DSCAML1: variants seen among roughly 807,000 people sequenced by gnomAD.
DSCAML1 encodes the protein cell adhesion molecule DSCAML1.
A neutral mutation model predicts 200.5 loss-of-function variants in DSCAML1; 38 were observed. That is an observed-to-expected ratio of 0.19 (90% CI 0.15 to 0.25). DSCAML1 has a LOEUF of 0.25. Among genes scored for constraint, DSCAML1 ranks in the 10% least tolerant of loss-of-function variants. The probability of loss-of-function intolerance (pLI) is 1.00; values close to 1 mark genes in which losing one functional copy is unlikely to be tolerated. For missense variants in DSCAML1, 2,223 were observed against 2,858.8 expected (o/e 0.78, Z 5.07); for synonymous variants, 1,215 against 1,165.0 (o/e 1.04, Z -0.87).
intron 3 of DSCAML1, among the ~76,000 whole-genome samples, chr11:117,751,144 C>A (rs1182087945): frequency 6.6e-6 from 1 of 152,088 alleles, no homozygotes. Flanking sequence ...ACGGACGTGA[C>A]TCTGCATTAT....
At chr11:117,609,505 C>G (rs1443527576) in intron 3 of DSCAML1, among the ~76,000 whole-genome samples, 2 of 151,960 alleles carry the variant, frequency 1.3e-5, no homozygotes, top group African/African-American at 4.8e-5. Context: ...CCAGGTCTCC[C>G]TGTGTTGCCC....
intron 3 of DSCAML1, among the ~76,000 whole-genome samples, chr11:117,674,148 C>T (rs776751677): frequency 7.9e-5 from 12 of 152,204 alleles, no homozygotes; most frequent in Non-Finnish European, 1.3e-4. Context: ...TAGATCCTCT[C>T]GGCTGTATTT....
intron 1 of DSCAML1, among the ~76,000 whole-genome samples, chr11:117,790,323 G>A (rs1314933950): frequency 1.3e-5 from 2 of 152,222 alleles, no homozygotes; most frequent in Non-Finnish European, 2.9e-5. Context: ...TGGGAGGAGG[G>A]AGAAGAGGTA....
chr11:117,437,038 C>G lies in DSCAML1; in HGVS notation c.4720+84G>C, dbSNP rs143423911. The G allele has an allele frequency of 2.0e-5, 30 of 1,513,544 alleles. No individual in the cohort carries two copies. In the Middle Eastern group the frequency reaches 7.3e-4, roughly 37 times the overall value. The allele number at this position is 1,513,544 out of a possible 1,614,324, so 93.8% of individuals were successfully genotyped here. ...TGCCTGTTTTTCTATTAGTCTGTCT[C>G]TTTATGTATCTGCCACTCTGCCCAC... On this transcript the variant is annotated intron_variant, in intron 26 of 32. Coordinates refer to ENST00000651296, the MANE Select transcript of DSCAML1 (RefSeq NM_020693.4). The surrounding 1 kb of genome is among the most constrained non-coding windows in gnomAD (Gnocchi z 5.3).
intron 3 of DSCAML1, among the ~76,000 whole-genome samples, chr11:117,605,348 G>T (rs1239363351): frequency 6.6e-6 from 1 of 152,104 alleles, no homozygotes; most frequent in Non-Finnish European, 1.5e-5. Context: ...CTTGGCTCCA[G>T]CCTCCCCATC....
rs898002063 is a variant in DSCAML1 at position 117,463,363 on chromosome 11, C to T, written c.3265+1579G>A. ...TGGGAACTTATTAGAAATAATACATCCTTTTTTTTTTTTTTTTAGAGATGG... is the reference window on the plus strand; with the variant it reads ...TGGGAACTTATTAGAAATAATACATTCTTTTTTTTTTTTTTTTAGAGATGG... On this transcript the variant is annotated intron_variant, in intron 17 of 32. Transcript: ENST00000651296. This position sits in a 1 kb window ranked among gnomAD's most constrained non-coding sequence, Gnocchi z 4.0. Among the ~76,000 whole-genome samples, 3 of 150,578 alleles carry T rather than the reference C, an allele frequency of 2.0e-5. No homozygotes were observed. The highest frequency in any genetic ancestry group is 2.0e-4 in the Admixed American group (3 of 15,150).
intron 3 of DSCAML1, among the ~76,000 whole-genome samples, chr11:117,678,963 G>C (rs564597134): frequency 6.6e-6 from 1 of 152,388 alleles, no homozygotes; most frequent in South Asian, 2.1e-4. Flanking sequence ...ATGAGTGCCA[G>C]AGGCAGGTTC....
In DSCAML1 at chr11:117,428,517, G is replaced by A. The variant is rs1476374021; in HGVS notation, c.5973C>T (p.Thr1991=). The change falls in exon 33 of 33, where the codon ACC becomes ACT. Residue 1991 remains threonine (T), a synonymous_variant. Coordinates refer to ENST00000651296, the MANE Select transcript of DSCAML1 (RefSeq NM_020693.4). The part of the protein sequence containing the change: ...AGTAPPAPGP[T]PAEPPTAPSA... ...TGGGGGCGGTGGGTGGCTCAGCAGG[G>A]GTGGGGCCGGGGGCTGGGGGGGCTG... 40 of 1,497,518 alleles carry A rather than the reference G, an allele frequency of 2.7e-5. No individual in the cohort carries two copies. In the East Asian group the frequency reaches 9.4e-4, roughly 35 times the overall value. The allele number at this position is 1,497,518 out of a possible 1,614,324, so 92.8% of individuals were successfully genotyped here.
chr11:117,770,608 T>C (rs548333085), intron 3 of DSCAML1, among the ~76,000 whole-genome samples: 98 of 152,064 alleles, frequency 6.4e-4, no homozygotes, highest in African/African-American at 2.2e-3. Flanking sequence ...AAGAGAGGTC[T>C]GAATAAAATA....
intron 3 of DSCAML1, among the ~76,000 whole-genome samples, chr11:117,543,492 T>C (rs887356502): frequency 6.6e-6 from 1 of 152,166 alleles, no homozygotes; most frequent in African/African-American, 2.4e-5. Context: ...TGCTGGTGCA[T>C]GTACCTGTTG....
At chr11:117,730,699 GCAGGTATCTAC>G (rs1352346822) in intron 3 of DSCAML1, among the ~76,000 whole-genome samples, 1 of 152,062 alleles carries the variant, frequency 6.6e-6, no homozygotes, top group Non-Finnish European at 1.5e-5. Context: ...AATTCCCCTC[GCAGGTATCTAC>G]CAAGAGAAAT....
At chr11:117,590,667 C>T (rs902758095) in intron 3 of DSCAML1, among the ~76,000 whole-genome samples, 1 of 152,144 alleles carries the variant, frequency 6.6e-6, no homozygotes, top group Admixed American at 6.5e-5. Context: ...TGGATGGCGT[C>T]TGGGGACCAG....
chr11:117,671,775 GAGA>G (rs1333087086), intron 3 of DSCAML1, among the ~76,000 whole-genome samples: 1 of 152,282 alleles, frequency 6.6e-6, no homozygotes, highest in East Asian at 1.9e-4. Flanking sequence ...GTGGGCGGGG[GAGA>G]AGGAGACTTT....
intron 11 of DSCAML1, among the ~76,000 whole-genome samples, chr11:117,492,953 A>C (rs2049216094): frequency 6.6e-6 from 1 of 152,190 alleles, no homozygotes; most frequent in Non-Finnish European, 1.5e-5. Flanking sequence ...ATTAATTCAG[A>C]TTGCATGGAA....
chr11:117,619,364 T>G (rs930174912), intron 3 of DSCAML1, among the ~76,000 whole-genome samples: 1 of 152,204 alleles, frequency 6.6e-6, no homozygotes, highest in African/African-American at 2.4e-5. Flanking sequence ...GGAGTGCCCC[T>G]GGGTCAGGAG....
At chr11:117,744,799 G>C (rs1000199377) in intron 3 of DSCAML1, among the ~76,000 whole-genome samples, 5 of 152,234 alleles carry the variant, frequency 3.3e-5, no homozygotes, top group Admixed American at 2.0e-4. Context: ...GAGACCACAG[G>C]GGGCACAGAA....
chr11:117,489,971 C>T lies in DSCAML1; in HGVS notation c.2360-7809G>A, dbSNP rs1223870106. ...GTGCCCCAGGGCAGCCTGCCCCAGT[C>T]CACACTTAGGCTCACTCAGGGGAGC... On this transcript the variant is annotated intron_variant, in intron 11 of 32. Transcript: ENST00000651296. This position sits in a 1 kb window ranked among gnomAD's most constrained non-coding sequence, Gnocchi z 4.8. Among the ~76,000 whole-genome samples the T allele has an allele frequency of 6.6e-6, 1 of 152,218 alleles. No homozygotes were observed. The highest frequency in any genetic ancestry group is 6.5e-5 in the Admixed American group (1 of 15,284).
intron 3 of DSCAML1, among the ~76,000 whole-genome samples, chr11:117,734,304 G>A (rs966082113): frequency 2.0e-5 from 3 of 152,186 alleles, no homozygotes; most frequent in East Asian, 1.9e-4. Context: ...GAGCACTTAC[G>A]GGGTGGGGGA....
chr11:117,736,539 G>C (rs906799939), intron 3 of DSCAML1, among the ~76,000 whole-genome samples: 1 of 152,200 alleles, frequency 6.6e-6, no homozygotes, highest in Non-Finnish European at 1.5e-5. Flanking sequence ...AGGGAGGATG[G>C]TTAGGGTCAT....
Sources: gnomAD v4.1 joint callset for allele counts (sites outside exome capture counted in the v4.1 genomes callset) on GRCh38, gnomAD v4.1.1 for gene constraint, Gnocchi (gnomAD v3.1) non-coding constraint, MANE v1.5 for transcripts, NCBI Gene and HGNC (gene_info 2026-07-23, HGNC 2026-07-21) for gene names.